The following TTLL11 variants were observed in gnomAD, a reference collection of about 807,000 sequenced individuals.
TTLL11 encodes tubulin polyglutamylase TTLL11.
TTLL11 carries 42 observed loss-of-function variants against 51.7 expected under a neutral mutation model. The observed-to-expected ratio is 0.81, with a 90% confidence interval of 0.64 to 1.05. The LOEUF is 1.05. Ranked by LOEUF, TTLL11 falls within the 50% of genes least tolerant of loss-of-function variation. The probability of loss-of-function intolerance (pLI) is 0.00; values close to 1 mark genes in which losing one functional copy is unlikely to be tolerated. For synonymous variants in TTLL11, 381 were observed against 383.5 expected (o/e 0.99, Z 0.08); for missense variants, 799 against 940.4 (o/e 0.85, Z 1.97).
At chr9:121,985,464 G>A (rs1842917871) in intron 4 of TTLL11, among the ~76,000 whole-genome samples, 1 of 146,248 alleles carries the variant, frequency 6.8e-6, no homozygotes, top group African/African-American at 2.6e-5. Context: ...CAAGTGATAA[G>A]AATAAAGTAA....
At chr9:121,904,388 T>TCC (rs1448622301) in intron 6 of TTLL11, among the ~76,000 whole-genome samples, 4 of 152,082 alleles carry the variant, frequency 2.6e-5, no homozygotes, top group African/African-American at 9.6e-5. Context: ...TATTAGCCAG[T>TCC]ATGGTGTCAA....
intron 6 of TTLL11, among the ~76,000 whole-genome samples, chr9:121,874,302 C>T (rs113841864): frequency 5.3e-5 from 8 of 152,300 alleles, no homozygotes; most frequent in African/African-American, 9.6e-5. Context: ...CCCGACCCAC[C>T]ACCCCATTAT....
chr9:121,852,357 G>A (rs1554760356), intron 8 of TTLL11, among the ~76,000 whole-genome samples: 2 of 152,104 alleles, frequency 1.3e-5, no homozygotes, highest in Non-Finnish European at 2.9e-5. Flanking sequence ...GAGGTGCAGT[G>A]CCCCCTCTCA....
chr9:121,989,883 G>T lies in TTLL11; in HGVS notation c.694-113C>A, dbSNP rs115796331. 9 of 1,501,242 alleles carry T rather than the reference G, an allele frequency of 6.0e-6. No homozygotes were observed. Among genetic ancestry groups the T allele is most frequent in the African/African-American group, 1.4e-5 (1 of 71,670 alleles). The allele number at this position is 1,501,242 out of a possible 1,614,324, so 93.0% of individuals were successfully genotyped here. ...AATGAGTGACAAGATGATCCCTGCCGATCTGAGCAGGGGCTGAGCATCTTC... is the reference window on the plus strand; with the variant it reads ...AATGAGTGACAAGATGATCCCTGCCTATCTGAGCAGGGGCTGAGCATCTTC... On this transcript the variant is annotated intron_variant, in intron 3 of 8. Transcript: ENST00000321582. The surrounding 1 kb of genome is among the most constrained non-coding windows in gnomAD (Gnocchi z 4.2).
intron 1 of TTLL11, among the ~76,000 whole-genome samples, chr9:122,059,270 G>A (rs1372774900): frequency 2.0e-5 from 3 of 152,148 alleles, no homozygotes; most frequent in African/African-American, 4.8e-5. Context: ...GCTAAGTGCT[G>A]GGATATAAAA....
At chr9:121,894,221 C>T (rs893566216) in intron 6 of TTLL11, among the ~76,000 whole-genome samples, 2 of 152,124 alleles carry the variant, frequency 1.3e-5, no homozygotes, top group African/African-American at 4.8e-5. Flanking sequence ...AGACTTATAC[C>T]AGGATGTAGG....
intron 6 of TTLL11, among the ~76,000 whole-genome samples, chr9:121,899,569 T>C (rs1839695034): frequency 6.6e-6 from 1 of 151,504 alleles, no homozygotes; most frequent in African/African-American, 2.4e-5. Flanking sequence ...GCCCAGCTAA[T>C]TTATTTTTAT....
chr9:122,087,777 C>T (rs1013532292), intron 1 of TTLL11, among the ~76,000 whole-genome samples: 1 of 152,162 alleles, frequency 6.6e-6, no homozygotes, highest in African/African-American at 2.4e-5. Flanking sequence ...GGAGTCTTCA[C>T]AGGATGGGAA....
chr9:122,042,032 CAG>C (rs1045035534), intron 1 of TTLL11, among the ~76,000 whole-genome samples: 5 of 121,866 alleles, frequency 4.1e-5, no homozygotes, highest in African/African-American at 1.2e-4. Flanking sequence ...TTTTTTGAAA[CAG>C]AGTCTTCTTC....
intron 3 of TTLL11, among the ~76,000 whole-genome samples, chr9:122,016,713 C>T (rs1170691979): frequency 6.6e-6 from 1 of 152,178 alleles, no homozygotes; most frequent in Admixed American, 6.5e-5. Flanking sequence ...CTCATGCTTG[C>T]TGCTTCCCTC....
intron 8 of TTLL11, among the ~76,000 whole-genome samples, chr9:121,838,016 C>A (rs1285364862): frequency 6.6e-6 from 1 of 152,226 alleles, no homozygotes; most frequent in Non-Finnish European, 1.5e-5. Context: ...CTCTCGCTCT[C>A]TCTTCCTGTC....
chr9:121,826,496 TG>T (rs1836785437), intron 8 of TTLL11, among the ~76,000 whole-genome samples: 1 of 46,336 alleles, frequency 2.2e-5, no homozygotes, highest in African/African-American at 9.6e-5. Context: ...TATATATATG[TG>T]TGTGTATATA....
chr9:121,894,678 C>T (rs1839385851), intron 6 of TTLL11, among the ~76,000 whole-genome samples: 2 of 152,060 alleles, frequency 1.3e-5, no homozygotes, highest in Admixed American at 1.3e-4. Flanking sequence ...AGTTCTCACT[C>T]ATAAGTGGGA....
chr9:121,820,201 T>C lies in TTLL11; in HGVS notation c.*2386A>G, dbSNP rs1259702699. Among the ~76,000 whole-genome samples the C allele has an allele frequency of 2.0e-5, 3 of 152,238 alleles. No homozygotes were observed. Among genetic ancestry groups the C allele is most frequent in the East Asian group, 1.9e-4 (1 of 5,196 alleles). On this transcript the variant is annotated 3_prime_UTR_variant, in exon 9 of 9. Coordinates refer to ENST00000321582, the MANE Select transcript of TTLL11 (RefSeq NM_001139442.2). ...CAAACAAGGTGGCTGGAATTCAACC[T>C]CTTGATTTTATTTTTCAAAATATTC...
At chr9:122,050,632 T>C (rs530969021) in intron 1 of TTLL11, among the ~76,000 whole-genome samples, 5 of 152,262 alleles carry the variant, frequency 3.3e-5, no homozygotes, top group East Asian at 1.9e-4. Flanking sequence ...CTCTCCCACA[T>C]TGTCACAGGC....
chr9:122,027,062 G>A (rs2131797124), intron 3 of TTLL11, among the ~76,000 whole-genome samples: 2 of 152,314 alleles, frequency 1.3e-5, no homozygotes, highest in South Asian at 4.1e-4. Context: ...GGTGGCACCT[G>A]CTTGGCTTCT....
rs568375139 is a variant in TTLL11, at chr9:122,031,278, G to A, written c.693+445C>T. Among the ~76,000 whole-genome samples, 8 of 152,318 alleles carry A rather than the reference G, an allele frequency of 5.3e-5. 1 individual carries two copies. The highest frequency in any genetic ancestry group is 1.9e-4 in the African/African-American group (8 of 41,566). On this transcript the variant is annotated intron_variant, in intron 3 of 8. Coordinates refer to ENST00000321582, the MANE Select transcript of TTLL11 (RefSeq NM_001139442.2). Reference sequence around the variant, plus strand: ...TGGAACAAGTTTAAAGCAAAACACTGAAAAGGTTCCCCATGAGTTTGTCAG... The same window carrying A: ...TGGAACAAGTTTAAAGCAAAACACTAAAAAGGTTCCCCATGAGTTTGTCAG...
At chr9:122,080,092 T>C (rs535561788) in intron 1 of TTLL11, among the ~76,000 whole-genome samples, 1 of 152,342 alleles carries the variant, frequency 6.6e-6, no homozygotes, top group Middle Eastern at 3.4e-3. Context: ...TTAGGCATAA[T>C]GGCCACACCA....
chr9:121,915,557 T>C (rs1321271221), intron 6 of TTLL11, among the ~76,000 whole-genome samples: 4 of 152,240 alleles, frequency 2.6e-5, no homozygotes, highest in Non-Finnish European at 5.9e-5. Flanking sequence ...CTTTCTTGAA[T>C]CAGAAACTTT....
Sources: allele counts gnomAD v4.1 joint callset (sites outside exome capture counted in the v4.1 genomes callset), GRCh38; gene constraint gnomAD v4.1.1; non-coding constraint Gnocchi (gnomAD v3.1); transcripts MANE v1.5; gene names NCBI Gene and HGNC (gene_info 2026-07-23, HGNC 2026-07-21).